Variants in SPAG1 observed in about 807,000 individuals in gnomAD.
SPAG1 encodes sperm-associated antigen 1.
SPAG1 carries 69 observed loss-of-function variants against 100.5 expected under a neutral mutation model. That is an observed-to-expected ratio of 0.69 (90% CI 0.57 to 0.84). The LOEUF is 0.84. Among genes scored for constraint, SPAG1 ranks in the 40% least tolerant of loss-of-function variants. SPAG1 has a pLI of 0.00. For missense variants in SPAG1, 955 were observed against 1,133.1 expected (o/e 0.84, Z 2.26); for synonymous variants, 336 against 411.6 (o/e 0.82, Z 2.22).
intron 10 of SPAG1, among the ~76,000 whole-genome samples, chr8:100,205,053 CTACT>C (rs766793711): frequency 2.0e-5 from 3 of 152,104 alleles, no homozygotes; most frequent in Non-Finnish European, 2.9e-5. Flanking sequence ...TACTGCATTC[CTACT>C]TAATTTATAC....
chr8:100,195,541 G>GA (rs1816999096), intron 10 of SPAG1, among the ~76,000 whole-genome samples: 1 of 152,262 alleles, frequency 6.6e-6, no homozygotes, highest in African/African-American at 2.4e-5. Flanking sequence ...AAAAAGGATT[G>GA]AAAAGGGAGA....
At chr8:100,166,544 A>G (rs1815567881) in intron 3 of SPAG1, among the ~76,000 whole-genome samples, 1 of 151,700 alleles carries the variant, frequency 6.6e-6, no homozygotes, top group Non-Finnish European at 1.5e-5. Context: ...GGTGTGAGCC[A>G]CCATGCCTGG....
intron 1 of SPAG1, 124 bp from the exon 2 acceptor site, chr8:100,162,153 ACT>A (rs1317939359): frequency 2.6e-5 from 18 of 692,610 alleles, no homozygotes; most frequent in Non-Finnish European, 4.0e-5. Flanking sequence ...ACATAGGGAG[ACT>A]CTGTCTCTAC....
chr8:100,222,062 G>A (rs908176041), intron 13 of SPAG1, among the ~76,000 whole-genome samples: 3 of 152,164 alleles, frequency 2.0e-5, no homozygotes, highest in African/African-American at 4.8e-5. Context: ...TTGACCAGGC[G>A]GTCTCACCTG....
chr8:100,202,642 G>A (rs1310845197), intron 10 of SPAG1, among the ~76,000 whole-genome samples: 2 of 147,368 alleles, frequency 1.4e-5, no homozygotes, highest in East Asian at 2.0e-4. Context: ...CCCGGGAGGC[G>A]GAGCTTGCAG....
Position 100,233,514 on chromosome 8 carries a change from G to C in SPAG1, c.2092G>C (p.Ala698Pro). ...DGNVKAFYRRALAHKGLKNYQ... is the reference protein window; with the variant it reads ...DGNVKAFYRRPLAHKGLKNYQ... ...GAACGTGAAAGCCTTCTATAGACGA[G>C]CTCTGGCTCATAAAGGACTCAAGGT... The change falls in exon 16 of 19, where the codon GCT becomes CCT. Residue 698 changes from alanine (A) to proline (P), a missense_variant. Physicochemically the swap from Ala to Pro is conservative, Grantham distance 27. Coordinates refer to ENST00000388798, the MANE Select transcript of SPAG1 (RefSeq NM_003114.5). 2 of 1,609,410 alleles carry C rather than the reference G, an allele frequency of 1.2e-6. No individual in the cohort carries two copies. Among genetic ancestry groups the C allele is most frequent in the East Asian group, 2.2e-5 (1 of 44,814 alleles).
chr8:100,200,756 T>C (rs925198407), intron 10 of SPAG1, among the ~76,000 whole-genome samples: 5 of 152,130 alleles, frequency 3.3e-5, no homozygotes, highest in African/African-American at 1.2e-4. Flanking sequence ...TTTTGAAAAG[T>C]GTCTGTTCAT....
chr8:100,193,151 C>T (rs1053837788), intron 9 of SPAG1, among the ~76,000 whole-genome samples: 1 of 152,126 alleles, frequency 6.6e-6, no homozygotes, highest in Admixed American at 6.6e-5. Flanking sequence ...TTCAAAGACA[C>T]TATTAGAAGA....
intron 16 of SPAG1, among the ~76,000 whole-genome samples, chr8:100,235,914 T>C (rs976779926): frequency 1.3e-5 from 2 of 152,076 alleles, no homozygotes; most frequent in Non-Finnish European, 2.9e-5. Context: ...CACCACAAAT[T>C]AAAAGAGACT....
At chr8:100,205,599 T>C (rs1586477154) in intron 10 of SPAG1, among the ~76,000 whole-genome samples, 1 of 152,008 alleles carries the variant, frequency 6.6e-6, no homozygotes, top group African/African-American at 2.4e-5. Context: ...GCTGTTATGG[T>C]GGGAAAGGCC....
rs1817851409 is a variant in SPAG1, at chr8:100,213,866, G to T, written c.1483G>T (p.Ala495Ser). The change falls in exon 12 of 19, where the codon GCA becomes TCA. Residue 495 changes from alanine to serine, a missense_variant. Coordinates refer to ENST00000388798, the MANE Select transcript of SPAG1 (RefSeq NM_003114.5). ...AAGTATCTTATATTCAAATAGAGCA[G>T]CATGTTACCTAAAAGAAGGAAACTG... is the stretch of plus-strand genomic sequence containing the variant. Reference protein sequence around the residue: ...DLSILYSNRAACYLKEGNCSG... With the variant: ...DLSILYSNRASCYLKEGNCSG... 1 of 1,605,556 alleles carries T rather than the reference G, an allele frequency of 6.2e-7. No individual in the cohort carries two copies. Among genetic ancestry groups the T allele is most frequent in the African/African-American group, 1.3e-5 (1 of 74,864 alleles).
intron 4 of SPAG1, among the ~76,000 whole-genome samples, chr8:100,182,399 C>T (rs1399056423): frequency 1.3e-5 from 2 of 152,178 alleles, no homozygotes. Flanking sequence ...AGAGAAGAGT[C>T]ACTCTCCTTT....
At chr8:100,193,896 A>AT (rs1369127590) in intron 9 of SPAG1, among the ~76,000 whole-genome samples, 7 of 151,016 alleles carry the variant, frequency 4.6e-5, no homozygotes, top group East Asian at 1.9e-4. Flanking sequence ...ATTTTAGGTG[A>AT]TTTTTTCTTT....
At position 100,231,302 on chromosome 8, in the gene SPAG1, A is replaced by T. The variant is rs773346567; in HGVS notation, c.1988+14A>T. 1.4e-5 allele frequency: 20 copies of T among 1,452,416 alleles called. No individual in the cohort carries two copies. Among genetic ancestry groups the T allele is most frequent in the Non-Finnish European group, 1.9e-5 (20 of 1,067,450 alleles). 90.0% of individuals were successfully genotyped at this position (1,452,416 alleles called of 1,614,324 possible). ...ATATACAAACAGGCAAGTTCTTTGT[A>T]ACTTTATATATTTCTTATGTTAATA... On this transcript the variant is annotated intron_variant, in intron 15 of 18. Coordinates refer to ENST00000388798, the MANE Select transcript of SPAG1 (RefSeq NM_003114.5).
At chr8:100,205,123 G>C (rs535348025) in intron 10 of SPAG1, among the ~76,000 whole-genome samples, 1 of 152,304 alleles carries the variant, frequency 6.6e-6, no homozygotes, top group Non-Finnish European at 1.5e-5. Context: ...TATAAAAACA[G>C]AGAATCATGG....
chr8:100,199,448 T>G (rs976418112), intron 10 of SPAG1, among the ~76,000 whole-genome samples: 7 of 152,198 alleles, frequency 4.6e-5, no homozygotes, highest in African/African-American at 9.7e-5. Context: ...TTGCCTTTTT[T>G]TTGTTGTTGT....
chr8:100,170,917 G>C (rs184453096), intron 3 of SPAG1, among the ~76,000 whole-genome samples: 1 of 151,646 alleles, frequency 6.6e-6, no homozygotes, highest in Non-Finnish European at 1.5e-5. Flanking sequence ...GCAGATCCTC[G>C]CCTATTTCCC....
At chr8:100,164,740 ATAGT>A (rs765853162) in intron 2 of SPAG1, among the ~76,000 whole-genome samples, 3 of 152,212 alleles carry the variant, frequency 2.0e-5, no homozygotes, top group Non-Finnish European at 4.4e-5. Context: ...AAAATTTAAT[ATAGT>A]TAACTATTCA....
At chr8:100,233,584 T>G (rs376907835) in intron 16 of SPAG1, 47 bp downstream of exon 16, 1 of 1,530,904 alleles carries the variant, frequency 6.5e-7, no homozygotes, top group Non-Finnish European at 8.8e-7. Context: ...TCTGAACAAA[T>G]CAAGTGGTTT....
Sources: gnomAD v4.1 joint callset for allele counts (sites outside exome capture counted in the v4.1 genomes callset) on GRCh38, gnomAD v4.1.1 for gene constraint, MANE v1.5 for transcripts, NCBI Gene and HGNC (gene_info 2026-07-23, HGNC 2026-07-21) for gene names.